The following BNIP5 variants were observed in gnomAD, a reference collection of about 807,000 sequenced individuals.
BNIP5 encodes BCL2 interacting protein 5.
Under a neutral mutation model 67.3 loss-of-function variants are expected in BNIP5, and 61 were observed. The observed-to-expected ratio is 0.91, with a 90% CI of 0.74 to 1.12. The LOEUF is 1.12. Ranked by LOEUF, BNIP5 falls within the 50% of genes most tolerant of loss-of-function variation. The pLI is 0.00. For synonymous variants in BNIP5, 317 were observed against 319.0 expected (o/e 0.99, Z 0.07); for missense variants, 826 against 816.3 (o/e 1.01, Z -0.14).
chr6:36,329,077 C>G (rs1771827564), intron 2 of BNIP5, among the ~76,000 whole-genome samples: 1 of 152,204 alleles, frequency 6.6e-6, no homozygotes, highest in Non-Finnish European at 1.5e-5. Flanking sequence ...CCTTGGGAGC[C>G]AGCACCCTTA....
intron 7 of BNIP5, 142 bp from the exon 8 acceptor site, chr6:36,323,675 T>G: frequency 1.1e-6 from 1 of 944,450 alleles, no homozygotes; most frequent in Non-Finnish European, 1.6e-6. Context: ...GAAATATGTG[T>G]GGTCTGGAGG....
Position 36,330,069 on chromosome 6 carries a change from C to CG in BNIP5, c.610+11dup, listed in dbSNP as rs1771852764. ...CTAGGGGTTGCCATAGGAACAGGCACGGTCCGCTCACCCCTGCGAGCTGGG... is the reference window on the plus strand; with the variant it reads ...CTAGGGGTTGCCATAGGAACAGGCACGGGTCCGCTCACCCCTGCGAGCTGGG... On this transcript the variant is annotated intron_variant, in intron 2 of 11. Transcript: ENST00000437635. The CG allele has an allele frequency of 2.1e-5, 34 of 1,585,334 alleles. No homozygotes were observed. In the East Asian group the frequency reaches 6.9e-4, roughly 32 times the overall value.
chr6:36,325,242 G>A, intron 6 of BNIP5, 41 bp downstream of exon 6: 1 of 1,609,630 alleles, frequency 6.2e-7, no homozygotes, highest in Non-Finnish European at 8.5e-7. Context: ...CAGAACAGAA[G>A]TTTTGCAAGG....
In BNIP5 at chr6:36,335,216, T is replaced by G. The variant is rs77943351; in HGVS notation, c.-5+1496A>C. 5.8e-4 allele frequency among the ~76,000 whole-genome samples: 88 copies of G among 152,320 alleles called. 1 individual carries two copies. In the East Asian group the frequency reaches 0.011, roughly 19 times the overall value. The stretch of plus-strand genomic sequence containing the variant: ...GCACGGTGACCTCATCTCTATGCTG[T>G]TCTCTAATTTGTTCACCTGGCCGCG... On this transcript the variant is annotated intron_variant, in intron 1 of 11. Transcript: ENST00000437635.
At chr6:36,333,248 G>A (rs926167351) in intron 1 of BNIP5, among the ~76,000 whole-genome samples, 1 of 152,238 alleles carries the variant, frequency 6.6e-6, no homozygotes, top group Admixed American at 6.5e-5. Flanking sequence ...TTGGGGCCGA[G>A]TGTCCACACG....
chr6:36,336,319 A>C (rs1772016257), intron 1 of BNIP5, among the ~76,000 whole-genome samples: 1 of 152,098 alleles, frequency 6.6e-6, no homozygotes, highest in African/African-American at 2.4e-5. Flanking sequence ...CCTCTACCAC[A>C]TCCTGAGGGA....
chr6:36,323,198 C>T, intron 8 of BNIP5, 95 bp downstream of exon 8: 1 of 1,514,420 alleles, frequency 6.6e-7, no homozygotes, highest in South Asian at 1.2e-5. Context: ...AGTGGACATC[C>T]TCCACTATGC....
At chr6:36,333,263 C>T (rs1267128763) in intron 1 of BNIP5, among the ~76,000 whole-genome samples, 4 of 152,176 alleles carry the variant, frequency 2.6e-5, no homozygotes, top group Non-Finnish European at 4.4e-5. Context: ...CACACGTGGA[C>T]GACCTTGGAG....
In BNIP5 at chr6:36,323,361, C is replaced by T. The variant is rs368024556; in HGVS notation, c.1403G>A (p.Arg468Gln). The T allele has an allele frequency of 5.1e-5, 82 of 1,614,154 alleles. No individual in the cohort carries two copies. Among genetic ancestry groups the T allele is most frequent in the Non-Finnish European group, 6.4e-5 (76 of 1,180,060 alleles). ...GGGCAGAAAGCTGGGCCTCTTGGGT[C>T]GTCGGGCCTCTGGGCTGGCAGCCCC... ...AAGAASPEARRPKRPSFLPLC... is the reference protein window; with the variant it reads ...AAGAASPEARQPKRPSFLPLC... Residue 468 changes from arginine (R) to glutamine (Q), a missense_variant, in exon 8 of 12, where the codon CGA becomes CAA. Coordinates refer to ENST00000437635, the MANE Select transcript of BNIP5 (RefSeq NM_001010903.5).
At chr6:36,328,099 G>C (rs1399108113) in intron 3 of BNIP5, among the ~76,000 whole-genome samples, 1 of 152,102 alleles carries the variant, frequency 6.6e-6, no homozygotes, top group Non-Finnish European at 1.5e-5. Flanking sequence ...ATGGTATTGT[G>C]GTTTTGTGTG....
intron 3 of BNIP5, among the ~76,000 whole-genome samples, chr6:36,327,746 C>A (rs1328463303): frequency 1.3e-5 from 2 of 152,104 alleles, no homozygotes; most frequent in Non-Finnish European, 2.9e-5. Context: ...GACAATGTGC[C>A]CACACTGTCC....
intron 5 of BNIP5, 118 bp from the exon 6 acceptor site, chr6:36,325,532 G>A (rs992741627): frequency 1.6e-6 from 2 of 1,257,620 alleles, no homozygotes; most frequent in African/African-American, 3.0e-5. Context: ...AGGACTTATG[G>A]GGCTGGAAGA....
intron 11 of BNIP5, among the ~76,000 whole-genome samples, chr6:36,319,130 T>G (rs909332590): frequency 1.3e-5 from 2 of 151,978 alleles, no homozygotes; most frequent in Non-Finnish European, 2.9e-5. Context: ...ATAAACAAGA[T>G]GTTAATTATG....
rs766709097 is a variant in BNIP5 at position 36,319,485 on chromosome 6, C to G, written c.1794G>C (p.Arg598Ser). 17 of 1,614,198 alleles carry G rather than the reference C, an allele frequency of 1.1e-5. No homozygotes were observed. In the East Asian group the frequency reaches 3.8e-4, roughly 36 times the overall value. ...AGCTAACGTCAAACTGGTAGAGTCT[C>G]CTGGCGCGGTTCCTGTCCAGCTTAG... ...HSSKLDRNRA[R>S]RLYQFDVSLA... The change falls in exon 11 of 12, where the codon AGG becomes AGC. Residue 598 changes from arginine (R) to serine (S), a missense_variant. Transcript: ENST00000437635.
At position 36,325,434 on chromosome 6, in the gene BNIP5, C is replaced by T. The variant is rs141015066; in HGVS notation, c.1037-20G>A. The T allele has an allele frequency of 8.0e-5, 128 of 1,601,246 alleles. 4 individuals carry two copies. The African/African-American group carries it at 1.5e-3, about 18-fold the overall frequency. On this transcript the variant is annotated intron_variant, in intron 5 of 11. Transcript: ENST00000437635. ...CCAAGCCTGAGAAGCAGAAGGAGAACGAGGGTGTGTTTTGTCTGTCTGGGG... is the reference window on the plus strand; with the variant it reads ...CCAAGCCTGAGAAGCAGAAGGAGAATGAGGGTGTGTTTTGTCTGTCTGGGG...
chr6:36,324,245 G>A, intron 6 of BNIP5, 55 bp from the exon 7 acceptor site: 1 of 1,503,256 alleles, frequency 6.7e-7, no homozygotes, highest in East Asian at 2.3e-5. Flanking sequence ...CTCTTCTGCG[G>A]TCAGTCTTCA....
chr6:36,324,226 C>T, intron 6 of BNIP5, 36 bp from the exon 7 acceptor site: 1 of 1,575,510 alleles, frequency 6.3e-7, no homozygotes, highest in Non-Finnish European at 8.7e-7. Flanking sequence ...AACTTTGGTG[C>T]TACGAAATCT....
intron 1 of BNIP5, among the ~76,000 whole-genome samples, chr6:36,334,651 C>A (rs1243772168): frequency 6.6e-6 from 1 of 152,166 alleles, no homozygotes; most frequent in East Asian, 1.9e-4. Flanking sequence ...AGAACCTCTG[C>A]GGATGGGGTG....
intron 11 of BNIP5, among the ~76,000 whole-genome samples, chr6:36,319,086 T>C (rs1771577369): frequency 6.6e-6 from 1 of 152,132 alleles, no homozygotes; most frequent in Non-Finnish European, 1.5e-5. Flanking sequence ...TCAAAAAGCA[T>C]GGAAATGTAC....
Sources: allele counts gnomAD v4.1 joint callset (sites outside exome capture counted in the v4.1 genomes callset), GRCh38; gene constraint gnomAD v4.1.1; transcripts MANE v1.5; gene names NCBI Gene and HGNC (gene_info 2026-07-23, HGNC 2026-07-21).